COMMD10: variants seen among roughly 807,000 people sequenced by gnomAD.
The protein encoded by COMMD10 is COMM domain-containing protein 10.
Under a neutral mutation model 28.9 loss-of-function variants are expected in COMMD10, and 33 were observed. The ratio of observed to expected loss-of-function variants is 1.14; its 90% CI spans 0.87 to 1.53. The LOEUF (loss-of-function observed/expected upper bound fraction) is 1.53. Among genes scored for constraint, COMMD10 ranks in the 40% most tolerant of loss-of-function variants. The pLI is 0.00. For synonymous variants in COMMD10, 110 were observed against 81.7 expected (o/e 1.35, Z -1.87); for missense variants, 310 against 233.4 (o/e 1.33, Z -2.14).
At chr5:116,231,926 A>G (rs1303533904) in intron 5 of COMMD10, among the ~76,000 whole-genome samples, 1 of 152,162 alleles carries the variant, frequency 6.6e-6, no homozygotes, top group Non-Finnish European at 1.5e-5. Context: ...AGTTTAAGGT[A>G]TGTTTAAAAC....
intron 5 of COMMD10, among the ~76,000 whole-genome samples, chr5:116,242,019 G>A (rs1197597245): frequency 6.6e-6 from 1 of 152,114 alleles, no homozygotes; most frequent in Non-Finnish European, 1.5e-5. Context: ...AAACAAAAAG[G>A]CAGACCTATG....
intron 5 of COMMD10, among the ~76,000 whole-genome samples, chr5:116,199,279 G>A (rs1489045436): frequency 6.6e-6 from 1 of 151,946 alleles, no homozygotes; most frequent in Non-Finnish European, 1.5e-5. Flanking sequence ...TTTCTGTTTA[G>A]GTTTTTGGCT....
In COMMD10 at chr5:116,203,368, C is replaced by G. The variant is rs1418764849; in HGVS notation, c.510+69190C>G. Among the ~76,000 whole-genome samples the G allele has an allele frequency of 7.2e-5, 11 of 152,004 alleles. No homozygotes were observed. The East Asian group carries it at 1.9e-3, about 27-fold the overall frequency. On this transcript the variant is annotated intron_variant, in intron 5 of 6. Transcript: ENST00000274458. The stretch of plus-strand genomic sequence containing the variant: ...CAATCTAGCAAGGCAGGCCAACATT[C>G]AGATTCAGGAAATACAGAGAACGCC...
At chr5:116,236,867 T>C (rs1251322941) in intron 5 of COMMD10, among the ~76,000 whole-genome samples, 1 of 152,146 alleles carries the variant, frequency 6.6e-6, no homozygotes, top group African/African-American at 2.4e-5. Context: ...AATGTACTAC[T>C]CTGGTGGGGG....
rs372026937 is a variant in COMMD10 at position 116,293,214 on chromosome 5, C to T, written c.*725C>T. 2.6e-5 allele frequency: 10 copies of T among 383,354 alleles called. No individual in the cohort carries two copies. The highest frequency in any genetic ancestry group is 1.5e-4 in the African/African-American group (7 of 48,210). The allele number at this position is 383,354 out of a possible 1,614,324, so 23.7% of individuals were successfully genotyped here. On this transcript the variant is annotated 3_prime_UTR_variant, in exon 7 of 7. Transcript: ENST00000274458. ...TGAGTGCTAAATGGGCACCATTATT[C>T]GAATCAGATACCTTTTATATTCTCT... is the stretch of plus-strand genomic sequence containing the variant.
Position 116,098,132 on chromosome 5 carries a change from C to T in COMMD10, c.399+5432C>T, listed in dbSNP as rs901182760. 2.0e-5 allele frequency among the ~76,000 whole-genome samples: 3 copies of T among 152,316 alleles called. No individual in the cohort carries two copies. In the South Asian group the frequency reaches 6.2e-4, roughly 32 times the overall value. On this transcript the variant is annotated intron_variant, in intron 4 of 6. Coordinates refer to ENST00000274458, the MANE Select transcript of COMMD10 (RefSeq NM_016144.4). ...AAATGAGGATTGGATCTGTCTGTCT[C>T]TAAGTCTTATTCCTTTTATATCATG...
chr5:116,293,197 A>C lies in COMMD10; in HGVS notation c.*708A>C. 1 of 389,056 alleles carries C rather than the reference A, an allele frequency of 2.6e-6. No homozygotes were observed. The highest frequency in any genetic ancestry group is 6.5e-4 in the Middle Eastern group (1 of 1,528). 24.1% of individuals were successfully genotyped at this position (389,056 alleles called of 1,614,324 possible). A position where few individuals can be genotyped will look rare whatever the true frequency, so the allele number is the denominator to read the frequency against. On this transcript the variant is annotated 3_prime_UTR_variant, in exon 7 of 7. Coordinates refer to ENST00000274458, the MANE Select transcript of COMMD10 (RefSeq NM_016144.4). ...GAATAAAATAATTGTAATGAGTGCT[A>C]AATGGGCACCATTATTCGAATCAGA...
intron 4 of COMMD10, among the ~76,000 whole-genome samples, chr5:116,127,419 T>A (rs1467509228): frequency 1.3e-5 from 2 of 152,194 alleles, no homozygotes. Flanking sequence ...AGCCATCCCA[T>A]TACTAGGTAT....
intron 5 of COMMD10, among the ~76,000 whole-genome samples, chr5:116,203,603 A>T (rs1748730835): frequency 6.6e-6 from 1 of 152,186 alleles, no homozygotes; most frequent in Non-Finnish European, 1.5e-5. Context: ...CTTAAAGAAA[A>T]GAATTTTCAA....
intron 4 of COMMD10, among the ~76,000 whole-genome samples, chr5:116,108,627 T>G (rs1018107489): frequency 6.6e-6 from 1 of 152,206 alleles, no homozygotes; most frequent in African/African-American, 2.4e-5. Context: ...TGCTGTACTC[T>G]GGGGTTGGGA....
chr5:116,159,321 C>G (rs910802422), intron 5 of COMMD10, among the ~76,000 whole-genome samples: 2 of 152,186 alleles, frequency 1.3e-5, no homozygotes, highest in African/African-American at 4.8e-5. Context: ...CCAAAATGCT[C>G]TTGCCTCATG....
At chr5:116,185,729 C>G (rs1414256944) in intron 5 of COMMD10, among the ~76,000 whole-genome samples, 1 of 152,100 alleles carries the variant, frequency 6.6e-6, no homozygotes, top group African/African-American at 2.4e-5. Context: ...TGTTTTGAGC[C>G]TTGATTACAA....
chr5:116,231,456 G>A (rs1249108572), intron 5 of COMMD10, among the ~76,000 whole-genome samples: 1 of 152,058 alleles, frequency 6.6e-6, no homozygotes. Context: ...TGAGGATGCA[G>A]GTAATGTATT....
intron 5 of COMMD10, among the ~76,000 whole-genome samples, chr5:116,183,037 A>G (rs889406226): frequency 1.3e-5 from 2 of 152,138 alleles, no homozygotes; most frequent in East Asian, 1.9e-4. Flanking sequence ...CCAGCAATGC[A>G]GAAATGTGAG....
intron 4 of COMMD10, among the ~76,000 whole-genome samples, chr5:116,113,134 T>C (rs903089284): frequency 6.6e-6 from 1 of 152,216 alleles, no homozygotes; most frequent in Admixed American, 6.5e-5. Context: ...ACACTTTGAT[T>C]ATGTCGTCAC....
chr5:116,284,926 T>C (rs1181650439), intron 5 of COMMD10, among the ~76,000 whole-genome samples: 19 of 152,080 alleles, frequency 1.2e-4, no homozygotes, highest in Non-Finnish European at 4.4e-5. Context: ...GGGTGGGGGC[T>C]GCAACTGGTT....
intron 5 of COMMD10, among the ~76,000 whole-genome samples, chr5:116,287,565 GT>G (rs1751251838): frequency 6.6e-6 from 1 of 151,622 alleles, no homozygotes; most frequent in South Asian, 2.1e-4. Flanking sequence ...AGTTTAATCT[GT>G]TTACATTTAA....
In COMMD10 at chr5:116,085,029, G is replaced by C; in HGVS notation, c.-24G>C. 6.2e-7 allele frequency: 1 copy of C among 1,602,448 alleles called. No individual in the cohort carries two copies. Among genetic ancestry groups the C allele is most frequent in the South Asian group, 1.1e-5 (1 of 88,930 alleles). On this transcript the variant is annotated 5_prime_UTR_variant, in exon 1 of 7. Coordinates refer to ENST00000274458, the MANE Select transcript of COMMD10 (RefSeq NM_016144.4). Reference sequence around the variant, plus strand: ...GCTGGGTTCGGCGCAGCTAACAGACGGCGGCAGTGCGAGAAAGCCGAAGAT... The same window carrying C: ...GCTGGGTTCGGCGCAGCTAACAGACCGCGGCAGTGCGAGAAAGCCGAAGAT...
intron 5 of COMMD10, among the ~76,000 whole-genome samples, chr5:116,219,955 A>T (rs1263241819): frequency 6.6e-6 from 1 of 152,070 alleles, no homozygotes; most frequent in African/African-American, 2.4e-5. Context: ...TAAGGAATTA[A>T]ATAGTCTCTA....
Sources: allele counts gnomAD v4.1 joint callset (sites outside exome capture counted in the v4.1 genomes callset), GRCh38; gene constraint gnomAD v4.1.1; transcripts MANE v1.5; gene names NCBI Gene and HGNC (gene_info 2026-07-23, HGNC 2026-07-21).